The following C8A variants were observed in gnomAD, a reference collection of about 807,000 sequenced individuals.
C8A encodes the protein complement C8 alpha chain.
C8A carries 67 observed loss-of-function variants against 65.3 expected under a neutral mutation model. The ratio of observed to expected loss-of-function variants is 1.03; its 90% CI spans 0.84 to 1.26. C8A has a LOEUF of 1.26. Ranked by LOEUF, C8A falls within the 50% of genes most tolerant of loss-of-function variation. C8A has a pLI of 0.00. For missense variants in C8A, 781 were observed against 723.9 expected (o/e 1.08, Z -0.90); for synonymous variants, 290 against 259.4 (o/e 1.12, Z -1.13).
chr1:56,895,716 A>G (rs1644382785), intron 7 of C8A, among the ~76,000 whole-genome samples: 1 of 152,184 alleles, frequency 6.6e-6, no homozygotes. Context: ...AGTCTGGAGG[A>G]TCATTTGAGC....
At chr1:56,903,078 A>AT (rs1644438201) in intron 7 of C8A, among the ~76,000 whole-genome samples, 1 of 151,966 alleles carries the variant, frequency 6.6e-6, no homozygotes, top group Non-Finnish European at 1.5e-5. Flanking sequence ...GTGCTTATTC[A>AT]TTTGGTATTT....
chr1:56,868,653 C>T (rs920667155), intron 2 of C8A, among the ~76,000 whole-genome samples: 1 of 152,062 alleles, frequency 6.6e-6, no homozygotes, highest in African/African-American at 2.4e-5. Context: ...CACAGTGTAA[C>T]TTCTAGTCTG....
chr1:56,891,800 A>G (rs1445237985), intron 7 of C8A, among the ~76,000 whole-genome samples: 1 of 152,106 alleles, frequency 6.6e-6, no homozygotes, highest in East Asian at 1.9e-4. Flanking sequence ...TGGTAAAGAC[A>G]TCCCGCAGGC....
chr1:56,879,212 A>C (rs1644228183), intron 4 of C8A, among the ~76,000 whole-genome samples: 1 of 152,164 alleles, frequency 6.6e-6, no homozygotes, highest in Non-Finnish European at 1.5e-5. Context: ...CTATAGTATA[A>C]TTATATAATT....
At chr1:56,916,620 C>T (rs543152565) in intron 10 of C8A, among the ~76,000 whole-genome samples, 4 of 152,090 alleles carry the variant, frequency 2.6e-5, no homozygotes, top group Non-Finnish European at 5.9e-5. Flanking sequence ...CAGAGGAGGG[C>T]GAGCCTGACA....
Position 56,906,692 on chromosome 1 carries a change from A to G in C8A, c.1122A>G (p.Thr374=). 1 of 1,614,072 alleles carries G rather than the reference A, an allele frequency of 6.2e-7. No homozygotes were observed. The highest frequency in any genetic ancestry group is 1.7e-5 in the Admixed American group (1 of 60,020). Residue 374 remains threonine, a synonymous_variant, in exon 8 of 11, where the codon ACA becomes ACG. Coordinates refer to ENST00000361249, the MANE Select transcript of C8A (RefSeq NM_000562.3). ...SLGITSRDIT[T]CFGGSLGIQY... is the part of the protein sequence containing the mutation. ...GTATTACCAGCAGAGATATCACGAC[A>G]TGTTTTGGAGGCTCCTTGGGCATTC... is the stretch of plus-strand genomic sequence containing the variant.
chr1:56,855,666 T>C (rs1207883526), intron 1 of C8A, among the ~76,000 whole-genome samples: 1 of 151,778 alleles, frequency 6.6e-6, no homozygotes, highest in East Asian at 1.9e-4. Context: ...TAATATTAAG[T>C]ATTTTGTGGA....
At chr1:56,894,760 C>T (rs1185904977) in intron 7 of C8A, among the ~76,000 whole-genome samples, 4 of 152,144 alleles carry the variant, frequency 2.6e-5, no homozygotes, top group Admixed American at 2.0e-4. Context: ...ATGGGAAACA[C>T]TGTCTAGATA....
At chr1:56,869,102 A>G (rs1644118706) in intron 2 of C8A, among the ~76,000 whole-genome samples, 2 of 151,992 alleles carry the variant, frequency 1.3e-5, no homozygotes, top group East Asian at 3.9e-4. Flanking sequence ...GATTTCTGAG[A>G]TTTTGGTGCT....
intron 9 of C8A, among the ~76,000 whole-genome samples, chr1:56,908,583 A>T (rs1644484456): frequency 6.6e-6 from 1 of 152,194 alleles, no homozygotes; most frequent in Admixed American, 6.5e-5. Flanking sequence ...TTAAAAATAT[A>T]AAAGTCATTC....
chr1:56,883,698 T>A lies in C8A; in HGVS notation c.855+17T>A. The A allele has an allele frequency of 6.3e-7, 1 of 1,599,772 alleles. No homozygotes were observed. Among genetic ancestry groups the A allele is most frequent in the Non-Finnish European group, 8.6e-7 (1 of 1,167,630 alleles). ...AATGAGAAGGTATTCAAACATAATG[T>A]CTGTGTCTCACAGTATTCCATAATA... On this transcript the variant is annotated intron_variant, in intron 6 of 10. Coordinates refer to ENST00000361249, the MANE Select transcript of C8A (RefSeq NM_000562.3).
intron 7 of C8A, among the ~76,000 whole-genome samples, chr1:56,901,867 A>G (rs924714789): frequency 2.6e-5 from 4 of 151,926 alleles, no homozygotes; most frequent in African/African-American, 4.8e-5. Flanking sequence ...CTCGCACACT[A>G]CAATAATTAT....
At chr1:56,883,209 A>G (rs1053316488) in intron 5 of C8A, among the ~76,000 whole-genome samples, 4 of 144,852 alleles carry the variant, frequency 2.8e-5, no homozygotes, top group African/African-American at 9.9e-5. Flanking sequence ...GCATTTGATC[A>G]GAATCATCTG....
chr1:56,863,858 C>A (rs1557696534), intron 1 of C8A, among the ~76,000 whole-genome samples: 1 of 150,528 alleles, frequency 6.6e-6, no homozygotes, highest in Admixed American at 6.6e-5. Flanking sequence ...TCCCTCCCAC[C>A]CTCTCTCCCT....
At chr1:56,879,020 T>C (rs923930429) in intron 4 of C8A, among the ~76,000 whole-genome samples, 18 of 152,354 alleles carry the variant, frequency 1.2e-4, no homozygotes, top group African/African-American at 4.3e-4. Flanking sequence ...TATAACATAG[T>C]TAGCAAACTA....
chr1:56,860,324 A>G (rs570137576), intron 1 of C8A, among the ~76,000 whole-genome samples: 1 of 152,300 alleles, frequency 6.6e-6, no homozygotes, highest in Non-Finnish European at 1.5e-5. Context: ...AGCAACATGA[A>G]AGCAGAGAAA....
At chr1:56,875,402 A>G (rs1349967841) in intron 3 of C8A, among the ~76,000 whole-genome samples, 1 of 152,186 alleles carries the variant, frequency 6.6e-6, no homozygotes, top group African/African-American at 2.4e-5. Context: ...TGCTGTTAAT[A>G]TAGACATGAA....
chr1:56,909,116 T>C (rs1347321424), intron 9 of C8A, among the ~76,000 whole-genome samples: 1 of 152,232 alleles, frequency 6.6e-6, no homozygotes, highest in Non-Finnish European at 1.5e-5. Context: ...ATGCTTAACC[T>C]CACAAAGTGT....
chr1:56,915,790 C>A (rs1005580807), intron 10 of C8A, among the ~76,000 whole-genome samples: 1 of 152,166 alleles, frequency 6.6e-6, no homozygotes, highest in African/African-American at 2.4e-5. Flanking sequence ...GGGACCCAAT[C>A]TCTTAAACAT....
Sources: allele counts gnomAD v4.1 joint callset (sites outside exome capture counted in the v4.1 genomes callset), GRCh38; gene constraint gnomAD v4.1.1; transcripts MANE v1.5; gene names NCBI Gene and HGNC (gene_info 2026-07-23, HGNC 2026-07-21).